KIAA1328: variants seen among roughly 807,000 people sequenced by gnomAD.
The protein encoded by KIAA1328 is KIAA1328, also known as protein hinderin.
In KIAA1328, 52 loss-of-function variants were observed where a neutral mutation model predicts 68.1. The ratio of observed to expected loss-of-function variants is 0.76; its 90% CI spans 0.61 to 0.96. KIAA1328 has a LOEUF of 0.96. KIAA1328 is among the 40% of genes least tolerant of loss of function. The pLI is 0.00. For missense variants in KIAA1328, 641 were observed against 677.6 expected, an observed-to-expected ratio of 0.95 and a Z score of 0.60; for synonymous variants, 232 against 239.4, an observed-to-expected ratio of 0.97 and a Z score of 0.28.
intron 4 of KIAA1328, among the ~76,000 whole-genome samples, chr18:36,847,567 C>T (rs866400653): frequency 4.6e-5 from 7 of 151,438 alleles, no homozygotes; most frequent in Non-Finnish European, 7.4e-5. Flanking sequence ...AGTGAAGTGT[C>T]TGTCAAATCT....
chr18:37,168,511 G>A (rs573264099), intron 8 of KIAA1328, among the ~76,000 whole-genome samples: 82 of 152,212 alleles, frequency 5.4e-4, no homozygotes, highest in Non-Finnish European at 1.0e-3. Flanking sequence ...GCATACAATG[G>A]AATACTACTT....
chr18:36,877,962 C>T (rs374594977), intron 4 of KIAA1328, among the ~76,000 whole-genome samples: 2 of 151,964 alleles, frequency 1.3e-5, no homozygotes, highest in Non-Finnish European at 2.9e-5. Context: ...CCACTGCACC[C>T]GGCCCAGTCT....
At chr18:37,149,222 C>A (rs908193336) in intron 7 of KIAA1328, among the ~76,000 whole-genome samples, 10 of 152,008 alleles carry the variant, frequency 6.6e-5, no homozygotes, top group Non-Finnish European at 1.3e-4. Flanking sequence ...AACACATGGA[C>A]CAATGGAACA....
At chr18:37,168,911 G>T (rs1599492191) in intron 8 of KIAA1328, among the ~76,000 whole-genome samples, 1 of 151,378 alleles carries the variant, frequency 6.6e-6, no homozygotes, top group Non-Finnish European at 1.5e-5. Context: ...AAAACAAAGG[G>T]CCCAGAAACA....
chr18:36,900,609 C>T (rs183446318), intron 5 of KIAA1328, among the ~76,000 whole-genome samples: 222 of 151,978 alleles, frequency 1.5e-3, no homozygotes, highest in South Asian at 2.9e-3. Context: ...AAGCGTACAT[C>T]CCATTAACCG....
intron 6 of KIAA1328, among the ~76,000 whole-genome samples, chr18:37,049,082 G>A (rs2055589591): frequency 6.6e-6 from 1 of 152,092 alleles, no homozygotes; most frequent in Admixed American, 6.6e-5. Flanking sequence ...TCTCTTACTG[G>A]GGATAACGCA....
intron 6 of KIAA1328, among the ~76,000 whole-genome samples, chr18:37,033,942 T>G (rs183287850): frequency 1.3e-5 from 2 of 152,334 alleles, no homozygotes; most frequent in African/African-American, 4.8e-5. Flanking sequence ...ATAAAATGTC[T>G]GAATATATAA....
chr18:37,071,121 G>A (rs1387475515), intron 7 of KIAA1328, among the ~76,000 whole-genome samples: 1 of 130,588 alleles, frequency 7.7e-6, no homozygotes, highest in Non-Finnish European at 1.6e-5. Context: ...CCATGCTGGA[G>A]TGCAGTGGCA....
At position 36,992,112 on chromosome 18, in the gene KIAA1328, G is replaced by A. The variant is rs1002085770; in HGVS notation, c.576+32677G>A. On this transcript the variant is annotated intron_variant, in intron 6 of 9. Coordinates refer to ENST00000280020, the MANE Select transcript of KIAA1328 (RefSeq NM_020776.3). ...TGCCCACTTTTCTTTTTAGTAATTT[G>A]TCTTTTCATAGTGATTTGTAAAAGT... Among the ~76,000 whole-genome samples, 63 of 152,204 alleles carry A rather than the reference G, an allele frequency of 4.1e-4. 1 individual carries two copies. Among genetic ancestry groups the A allele is most frequent in the African/African-American group, 1.5e-3 (63 of 41,542 alleles).
At chr18:37,033,488 A>T (rs2054911455) in intron 6 of KIAA1328, among the ~76,000 whole-genome samples, 1 of 152,186 alleles carries the variant, frequency 6.6e-6, no homozygotes, top group Admixed American at 6.5e-5. Context: ...ACAACTGCTT[A>T]GCTCTTTCTG....
intron 4 of KIAA1328, among the ~76,000 whole-genome samples, chr18:36,869,274 G>A (rs2047862251): frequency 6.6e-6 from 1 of 152,132 alleles, no homozygotes; most frequent in Non-Finnish European, 1.5e-5. Flanking sequence ...TGTATCAAAA[G>A]AATATCTTTT....
At chr18:36,888,608 AC>A (rs2048578242) in intron 5 of KIAA1328, among the ~76,000 whole-genome samples, 1 of 152,066 alleles carries the variant, frequency 6.6e-6, no homozygotes, top group African/African-American at 2.4e-5. Flanking sequence ...TATTTATAAA[AC>A]TTTATTATCA....
chr18:37,149,532 A>G (rs763736120), intron 7 of KIAA1328, among the ~76,000 whole-genome samples: 3 of 152,216 alleles, frequency 2.0e-5, no homozygotes, highest in Non-Finnish European at 2.9e-5. Flanking sequence ...AGCAATTACA[A>G]CAAAAACAAA....
intron 7 of KIAA1328, among the ~76,000 whole-genome samples, chr18:37,143,049 G>A (rs992555893): frequency 2.0e-5 from 3 of 151,160 alleles, no homozygotes; most frequent in Non-Finnish European, 4.4e-5. Flanking sequence ...CCGCCTCCCA[G>A]GCTCAAGCAA....
intron 6 of KIAA1328, among the ~76,000 whole-genome samples, chr18:36,983,857 A>T (rs1394869767): frequency 6.6e-6 from 1 of 152,130 alleles, no homozygotes; most frequent in Admixed American, 6.5e-5. Flanking sequence ...TTCTAAACAA[A>T]ATTTTTAGCA....
At chr18:37,176,387 A>G (rs1177929119) in intron 9 of KIAA1328, among the ~76,000 whole-genome samples, 1 of 152,216 alleles carries the variant, frequency 6.6e-6, no homozygotes, top group Non-Finnish European at 1.5e-5. Context: ...ATATTCATCT[A>G]TCTCATGCTA....
chr18:37,084,279 AT>A, intron 7 of KIAA1328: 1 of 1,125,854 alleles, frequency 8.9e-7, no homozygotes, highest in Non-Finnish European at 1.2e-6. Context: ...GGGCATAAAT[AT>A]TTAGGATACG....
chr18:37,086,789 G>C (rs1045219292), intron 7 of KIAA1328, among the ~76,000 whole-genome samples: 39 of 152,112 alleles, frequency 2.6e-4, no homozygotes, highest in Non-Finnish European at 3.4e-4. Context: ...GTTGCAGTCT[G>C]ATTCTTGATC....
chr18:36,942,585 A>T (rs2151191130), intron 5 of KIAA1328, among the ~76,000 whole-genome samples: 1 of 152,288 alleles, frequency 6.6e-6, no homozygotes, highest in East Asian at 1.9e-4. Context: ...AAGACAGCTA[A>T]ATTGTGCAGT....
Sources: allele counts gnomAD v4.1 joint callset (sites outside exome capture counted in the v4.1 genomes callset), GRCh38; gene constraint gnomAD v4.1.1; transcripts MANE v1.5; gene names NCBI Gene and HGNC (gene_info 2026-07-23, HGNC 2026-07-21).